MYT1L: variants seen among roughly 807,000 people sequenced by gnomAD.
The protein encoded by MYT1L is myelin transcription factor 1-like protein.
In MYT1L, 12 loss-of-function variants were observed where a neutral mutation model predicts 126.7. That is an observed-to-expected ratio of 0.09 (90% CI 0.06 to 0.15). The LOEUF is 0.15. MYT1L is among the 10% of genes least tolerant of loss of function. The probability of loss-of-function intolerance (pLI) is 1.00; values close to 1 mark genes in which losing one functional copy is unlikely to be tolerated. For missense variants in MYT1L, 979 were observed against 1,585.2 expected (o/e 0.62, Z 6.49); for synonymous variants, 541 against 604.2 (o/e 0.90, Z 1.53).
intron 2 of MYT1L, among the ~76,000 whole-genome samples, chr2:2,183,683 T>C (rs145877411): frequency 1.6e-4 from 24 of 151,760 alleles, no homozygotes; most frequent in Middle Eastern, 6.8e-3. Context: ...GAATCCCACA[T>C]GTAGTTTCTT....
intron 18 of MYT1L, among the ~76,000 whole-genome samples, chr2:1,858,196 C>A (rs1339610204): frequency 6.6e-6 from 1 of 152,128 alleles, no homozygotes; most frequent in Non-Finnish European, 1.5e-5. Flanking sequence ...TTCTTGTTGT[C>A]ATATAAATGG....
chr2:1,799,305 G>A (rs1572342113), intron 23 of MYT1L, among the ~76,000 whole-genome samples: 1 of 152,192 alleles, frequency 6.6e-6, no homozygotes, highest in South Asian at 2.1e-4. Flanking sequence ...GGGAGGCCAC[G>A]CCCGTGCAGG....
intron 19 of MYT1L, among the ~76,000 whole-genome samples, chr2:1,844,478 A>G (rs1279241365): frequency 6.6e-6 from 1 of 152,160 alleles, no homozygotes; most frequent in African/African-American, 2.4e-5. Context: ...TGGACCCCAG[A>G]GTGGAGATTC....
intron 8 of MYT1L, among the ~76,000 whole-genome samples, chr2:1,953,125 G>A (rs555790970): frequency 6.6e-6 from 1 of 151,914 alleles, no homozygotes; most frequent in African/African-American, 2.4e-5. Flanking sequence ...ACCAAGCTCA[G>A]CTAATTTTTG....
intron 9 of MYT1L, among the ~76,000 whole-genome samples, chr2:1,941,194 C>T (rs946288999): frequency 6.6e-5 from 10 of 152,092 alleles, no homozygotes; most frequent in African/African-American, 2.4e-4. Flanking sequence ...ATTTTTAATT[C>T]TAGAAAATGA....
chr2:1,903,240 A>G lies in MYT1L; in HGVS notation c.1872T>C (p.Asn624=). The G allele has an allele frequency of 2.5e-6, 4 of 1,613,910 alleles. No individual in the cohort carries two copies. Among genetic ancestry groups the G allele is most frequent in the Non-Finnish European group, 3.4e-6 (4 of 1,179,828 alleles). ...TGGAACGCGGCGTAGTTGTGGGGAC[A>G]TTGTTTCTGTAGCCATACTGAGGAA... ...LEIPQYGYRN[N]VPTTTPRSNL... is the part of the protein sequence containing the mutation. Residue 624 remains asparagine (N), a synonymous_variant, in exon 14 of 25, where the codon AAT becomes AAC. Transcript: ENST00000647738.
At chr2:1,862,066 C>T (rs1037529012) in intron 18 of MYT1L, among the ~76,000 whole-genome samples, 2 of 152,034 alleles carry the variant, frequency 1.3e-5, no homozygotes, top group Non-Finnish European at 2.9e-5. Flanking sequence ...AATTCTGCCT[C>T]GTGCCCCTAT....
At position 1,852,226 on chromosome 2, in the gene MYT1L, G is replaced by A. The variant is rs1233370605; in HGVS notation, c.2712-523C>T. Reference sequence around the variant, plus strand: ...GGTCCCAGGGAGCAGTGAGGGTATCGACCCGCATCTGGACCATGGGAATGC... The same window carrying A: ...GGTCCCAGGGAGCAGTGAGGGTATCAACCCGCATCTGGACCATGGGAATGC... On this transcript the variant is annotated intron_variant, in intron 18 of 24. Transcript: ENST00000647738. The surrounding 1 kb of genome is among the most constrained non-coding windows in gnomAD (Gnocchi z 4.0). 4.6e-5 allele frequency among the ~76,000 whole-genome samples: 7 copies of A among 152,262 alleles called. No individual in the cohort carries two copies. Among genetic ancestry groups the A allele is most frequent in the African/African-American group, 1.7e-4 (7 of 41,552 alleles).
rs2032705667 is a variant in MYT1L, at chr2:1,793,549, C to T, written c.3277-1085G>A. Among the ~76,000 whole-genome samples, 1 of 152,204 alleles carries T rather than the reference C, an allele frequency of 6.6e-6. No individual in the cohort carries two copies. On this transcript the variant is annotated intron_variant, in intron 23 of 24. Transcript: ENST00000647738. This position sits in a 1 kb window ranked among gnomAD's most constrained non-coding sequence, Gnocchi z 4.6. ...GGCCCTGCCTTCTCCTATGTTCTGG[C>T]CCTCCCTTGGCTGTACTGGGTCAAA... is the stretch of plus-strand genomic sequence containing the variant.
intron 2 of MYT1L, among the ~76,000 whole-genome samples, chr2:2,219,056 T>C (rs1323450954): frequency 6.6e-6 from 1 of 152,202 alleles, no homozygotes; most frequent in South Asian, 2.1e-4. Flanking sequence ...TTTTCTACTT[T>C]AGTGGAAGGG....
At chr2:1,853,464 A>AAAT (rs1558762966) in intron 18 of MYT1L, among the ~76,000 whole-genome samples, 1 of 151,630 alleles carries the variant, frequency 6.6e-6, no homozygotes, top group Non-Finnish European at 1.5e-5. Context: ...TGTCTAAAAA[A>AAAT]TAAATGACTG....
chr2:1,995,643 G>A (rs2149597774), intron 5 of MYT1L, among the ~76,000 whole-genome samples: 1 of 152,298 alleles, frequency 6.6e-6, no homozygotes, highest in South Asian at 2.1e-4. Context: ...GGTAGTGGTT[G>A]AGCATGAGAG....
intron 1 of MYT1L, among the ~76,000 whole-genome samples, chr2:2,290,333 G>A (rs2095581174): frequency 6.6e-6 from 1 of 152,166 alleles, no homozygotes; most frequent in African/African-American, 2.4e-5. Context: ...GTCTGCTTTC[G>A]TTTTTTAAAA....
At position 1,970,408 on chromosome 2, in the gene MYT1L, G is replaced by A. The variant is rs1002515039; in HGVS notation, c.152+8757C>T. Among the ~76,000 whole-genome samples, 5 of 152,298 alleles carry A rather than the reference G, an allele frequency of 3.3e-5. No homozygotes were observed. The South Asian group carries it at 8.3e-4, about 25-fold the overall frequency. On this transcript the variant is annotated intron_variant, in intron 8 of 24. Transcript: ENST00000647738. ...CCAGCTTAGATGGGTGTGGTGAGAG[G>A]ACTCTCATACTTTCAGCCCCAGCCC... is the stretch of plus-strand genomic sequence containing the variant.
intron 21 of MYT1L, chr2:1,825,002 A>G (rs4072464): frequency 0.71 from 108,672 of 152,456 alleles, 40,161 homozygotes; most frequent in African/African-American, 0.93. Flanking sequence ...GGGAGGAGAC[A>G]GAGAAGGGAG....
At position 2,169,724 on chromosome 2, in the gene MYT1L, G is replaced by A. The variant is rs529480307; in HGVS notation, c.-304+3148C>T. Among the ~76,000 whole-genome samples, 28 of 152,236 alleles carry A rather than the reference G, an allele frequency of 1.8e-4. No individual in the cohort carries two copies. In the South Asian group the frequency reaches 5.4e-3, roughly 29 times the overall value. ...ATGGAATCCCACCCCACCCGGTTGT[G>A]TGGCCTGGTCCTGTCAAGTGGTCAC... On this transcript the variant is annotated intron_variant, in intron 3 of 24. Coordinates refer to ENST00000647738, the MANE Select transcript of MYT1L (RefSeq NM_001303052.2).
In MYT1L at chr2:1,889,959, TTC is replaced by T. The variant is rs1366044974; in HGVS notation, c.2284-484_2284-483del. Among the ~76,000 whole-genome samples the T allele has an allele frequency of 6.6e-6, 1 of 152,116 alleles. No homozygotes were observed. The highest frequency in any genetic ancestry group is 1.5e-5 in the Non-Finnish European group (1 of 68,020). On this transcript the variant is annotated intron_variant, in intron 15 of 24. Coordinates refer to ENST00000647738, the MANE Select transcript of MYT1L (RefSeq NM_001303052.2). The surrounding 1 kb of genome is among the most constrained non-coding windows in gnomAD (Gnocchi z 4.1). ...AAACACACATATATCAGCTTAAAAA[TTC>T]TCTTTTTTATTGATGCTAATAGTTC...
Position 1,837,323 on chromosome 2 carries a change from T to C in MYT1L, c.3080+1826A>G, listed in dbSNP as rs146358401. On this transcript the variant is annotated intron_variant, in intron 21 of 24. Transcript: ENST00000647738. Reference sequence around the variant, plus strand: ...TCCCTGGAGTGCAGAAATGCTCACGTGAGAGGACGAAATTGTTTTCGTTTG... The same window carrying C: ...TCCCTGGAGTGCAGAAATGCTCACGCGAGAGGACGAAATTGTTTTCGTTTG... 7.6e-3 allele frequency among the ~76,000 whole-genome samples: 1,158 copies of C among 152,252 alleles called. 5 individuals carry two copies. The highest frequency in any genetic ancestry group is 0.017 in the African/African-American group (710 of 41,538).
rs1428977723 is a variant in MYT1L, at chr2:1,840,800, C to G, written c.2818G>C (p.Ala940Pro). Residue 940 changes from alanine (A) to proline (P), a missense_variant, in exon 20 of 25, where the codon GCA becomes CCA. Coordinates refer to ENST00000647738, the MANE Select transcript of MYT1L (RefSeq NM_001303052.2). ...TCTTCTTTATCTTCTTTGCTCTGTG[C>G]TATCCTGATACCACTTTTCTTTGCT... ...PRAKKSGIRI[A>P]QSKEDKEDQE... 3.2e-6 allele frequency: 5 copies of G among 1,550,982 alleles called. No homozygotes were observed. The highest frequency in any genetic ancestry group is 1.4e-5 in the African/African-American group (1 of 72,960).
Sources: allele counts gnomAD v4.1 joint callset (sites outside exome capture counted in the v4.1 genomes callset), GRCh38; gene constraint gnomAD v4.1.1; non-coding constraint Gnocchi (gnomAD v3.1); transcripts MANE v1.5; gene names NCBI Gene and HGNC (gene_info 2026-07-23, HGNC 2026-07-21).